CDH13: variants seen among roughly 807,000 people sequenced by gnomAD.
CDH13 encodes the protein cadherin-13.
In CDH13, 24 loss-of-function variants were observed where a neutral mutation model predicts 63.8. That is an observed-to-expected ratio of 0.38 (90% confidence interval 0.27 to 0.53). The LOEUF (loss-of-function observed/expected upper bound fraction) is 0.53, where lower values mean the gene tolerates loss of function less well. CDH13 is among the 20% of genes least tolerant of loss of function. CDH13 has a pLI of 0.85. For synonymous variants in CDH13, 503 were observed against 355.3 expected (o/e 1.42, Z -4.67); for missense variants, 1,049 against 903.1 (o/e 1.16, Z -2.07).
At chr16:83,491,042 T>C (rs1338257668) in intron 7 of CDH13, among the ~76,000 whole-genome samples, 3 of 152,240 alleles carry the variant, frequency 2.0e-5, no homozygotes, top group African/African-American at 7.2e-5. Context: ...GTTTGTATTA[T>C]CTCAGAACAT....
intron 5 of CDH13, among the ~76,000 whole-genome samples, chr16:83,304,363 G>C (rs1450634315): frequency 6.6e-6 from 1 of 152,306 alleles, no homozygotes; most frequent in South Asian, 2.1e-4. Flanking sequence ...ATTTTAGAAG[G>C]AGTCTGAATG....
At chr16:83,719,826 T>C (rs1909447794) in intron 10 of CDH13, among the ~76,000 whole-genome samples, 1 of 152,116 alleles carries the variant, frequency 6.6e-6, no homozygotes, top group Non-Finnish European at 1.5e-5. Context: ...TACACTCACA[T>C]CAGCGTCAGT....
intron 13 of CDH13, among the ~76,000 whole-genome samples, chr16:83,787,450 C>T (rs9932257): frequency 0.16 from 23,794 of 152,214 alleles, 2,550 homozygotes; most frequent in African/African-American, 0.31. Context: ...GCTCCATTTA[C>T]TCCTCCTGCT....
chr16:83,411,811 A>G (rs2092130199), intron 6 of CDH13, among the ~76,000 whole-genome samples: 2 of 152,224 alleles, frequency 1.3e-5, no homozygotes, highest in Admixed American at 1.3e-4. Context: ...ACAAGTATGG[A>G]GCATCTCATA....
intron 2 of CDH13, among the ~76,000 whole-genome samples, chr16:82,956,733 C>A (rs1277915309): frequency 6.6e-6 from 1 of 152,180 alleles, no homozygotes; most frequent in African/African-American, 2.4e-5. Context: ...CTAGAATGTG[C>A]CAGGTTCTTT....
chr16:82,949,975 G>A (rs533307916), intron 2 of CDH13, among the ~76,000 whole-genome samples: 29 of 152,118 alleles, frequency 1.9e-4, no homozygotes, highest in African/African-American at 7.0e-4. Flanking sequence ...CAAGCAAAAG[G>A]AATTCACAAT....
intron 2 of CDH13, among the ~76,000 whole-genome samples, chr16:82,991,498 C>A (rs145682572): frequency 2.2e-4 from 34 of 152,252 alleles, no homozygotes; most frequent in African/African-American, 7.9e-4. Context: ...TTCAGTCTGG[C>A]TTTTCATCTC....
chr16:82,955,494 G>A (rs938547135), intron 2 of CDH13, among the ~76,000 whole-genome samples: 4 of 152,228 alleles, frequency 2.6e-5, no homozygotes, highest in African/African-American at 7.2e-5. Context: ...TGGGTGTAGT[G>A]ATGCATGCTT....
chr16:83,472,424 G>C (rs1238474003), intron 6 of CDH13, among the ~76,000 whole-genome samples: 7 of 152,212 alleles, frequency 4.6e-5, no homozygotes, highest in Non-Finnish European at 1.5e-5. Context: ...CTGGAGATAT[G>C]AGACTGGGGA....
In CDH13 at chr16:83,518,085, G is replaced by A. The variant is rs2074740711; in HGVS notation, c.960+31430G>A. On this transcript the variant is annotated intron_variant, in intron 7 of 13. Coordinates refer to ENST00000567109, the MANE Select transcript of CDH13 (RefSeq NM_001257.5). ...CTGGTGGGAGGTAATTTTATCATGG[G>A]GGTGGTTAACCTCATGCTGTTCTCA... 1.3e-5 allele frequency among the ~76,000 whole-genome samples: 2 copies of A among 152,144 alleles called. 1 individual carries two copies. The highest frequency in any genetic ancestry group is 4.8e-5 in the African/African-American group (2 of 41,432).
At chr16:82,659,355 C>T (rs1020221651) in intron 1 of CDH13, among the ~76,000 whole-genome samples, 12 of 152,140 alleles carry the variant, frequency 7.9e-5, no homozygotes, top group African/African-American at 1.9e-4. Context: ...CCTGGAAAGA[C>T]GGCCTTGCCA....
intron 8 of CDH13, among the ~76,000 whole-genome samples, chr16:83,636,154 C>G (rs985216720): frequency 2.0e-5 from 3 of 151,566 alleles, no homozygotes; most frequent in Non-Finnish European, 1.5e-5. Flanking sequence ...TATTCCGTGT[C>G]CTCCGTTCTG....
chr16:83,486,774 G>C lies in CDH13; in HGVS notation c.960+119G>C, dbSNP rs954204497. On this transcript the variant is annotated intron_variant, in intron 7 of 13. Transcript: ENST00000567109. ...AATACTGTAAAGGCAGAAATGAGGT[G>C]TTTACCATGTTTTGGTGGGGAAAAT... 26 of 858,958 alleles carry C rather than the reference G, an allele frequency of 3.0e-5. No individual in the cohort carries two copies. The African/African-American group carries it at 3.4e-4, about 11-fold the overall frequency. 53.2% of individuals were successfully genotyped at this position (858,958 alleles called of 1,614,324 possible). A position where few individuals can be genotyped will look rare whatever the true frequency, so the allele number is the denominator to read the frequency against.
At chr16:82,798,308 A>G (rs1188964562) in intron 1 of CDH13, among the ~76,000 whole-genome samples, 1 of 152,208 alleles carries the variant, frequency 6.6e-6, no homozygotes, top group African/African-American at 2.4e-5. Context: ...GTAAGCTAAT[A>G]TTAGAACTCA....
chr16:83,304,588 A>G (rs1272989175), intron 5 of CDH13, among the ~76,000 whole-genome samples: 1 of 152,144 alleles, frequency 6.6e-6, no homozygotes, highest in Non-Finnish European at 1.5e-5. Context: ...TACATATGGG[A>G]TCTTGGCCAG....
At chr16:83,317,852 A>C (rs2151891850) in intron 5 of CDH13, among the ~76,000 whole-genome samples, 1 of 151,880 alleles carries the variant, frequency 6.6e-6, no homozygotes, top group East Asian at 1.9e-4. Flanking sequence ...CCCCACTCCC[A>C]AGTGGGGAAA....
chr16:83,133,456 G>A (rs1413032708), intron 4 of CDH13, among the ~76,000 whole-genome samples: 1 of 151,852 alleles, frequency 6.6e-6, no homozygotes, highest in Non-Finnish European at 1.5e-5. Flanking sequence ...TTTATCAGAT[G>A]GTGCTAATGT....
chr16:83,366,800 G>C (rs543908855), intron 6 of CDH13, among the ~76,000 whole-genome samples: 3 of 152,060 alleles, frequency 2.0e-5, no homozygotes, highest in African/African-American at 7.2e-5. Flanking sequence ...AGAAGGTCAT[G>C]GTGTGGTGGT....
At chr16:83,006,906 TTG>T (rs773485148) in intron 2 of CDH13, among the ~76,000 whole-genome samples, 7 of 124,982 alleles carry the variant, frequency 5.6e-5, no homozygotes, top group South Asian at 2.4e-4. Flanking sequence ...TTGATTTTTT[TTG>T]TTTGTTTGTT....
Sources: gnomAD v4.1 joint callset for allele counts (sites outside exome capture counted in the v4.1 genomes callset) on GRCh38, gnomAD v4.1.1 for gene constraint, MANE v1.5 for transcripts, NCBI Gene and HGNC (gene_info 2026-07-23, HGNC 2026-07-21) for gene names.